The following ALG13 variants were observed in gnomAD, a reference collection of about 807,000 sequenced individuals.
ALG13 encodes UDP-N-acetylglucosamine transferase subunit ALG13.
ALG13 carries 11 observed loss-of-function variants against 87.8 expected under a neutral mutation model. The observed-to-expected ratio is 0.13, with a 90% CI of 0.08 to 0.21. ALG13 has a LOEUF of 0.21. ALG13 is among the 10% of genes least tolerant of loss of function. The pLI, the probability that ALG13 is intolerant of heterozygous loss-of-function variation, is 1.00. For synonymous variants in ALG13, 320 were observed against 306.3 expected (o/e 1.04, Z -0.47); for missense variants, 756 against 866.1 (o/e 0.87, Z 1.60).
At position 111,726,992 on chromosome X, in the gene ALG13, C is replaced by G. The variant is rs747722414; in HGVS notation, c.1913C>G (p.Ser638Cys). 8.3e-7 allele frequency: 1 copy of G among 1,210,749 alleles called. No individual in the cohort carries two copies. The highest frequency in any genetic ancestry group is 2.2e-5 in the Admixed American group (1 of 46,028). ...HYSQTAGNVM[S>C]NEHFHPQHPS... ...TCACAGACAGCTGGCAATGTTATGT[C>G]TAATGAACATTTTCATCCTCAGCAT... The change falls in exon 16 of 27, where the codon TCT (serine) becomes TGT (cysteine). Residue 638 changes from serine to cysteine, a missense_variant. Ser to Cys is a moderately radical substitution (Grantham distance 112). Coordinates refer to ENST00000394780, the MANE Select transcript of ALG13 (RefSeq NM_001099922.3).
chrX:111,694,220 T>C (rs1936638541), intron 3 of ALG13, among the ~76,000 whole-genome samples: 1 of 109,526 alleles, frequency 9.1e-6, no homozygotes, highest in Non-Finnish European at 1.9e-5. Flanking sequence ...ATTTTTTTTG[T>C]ATTTTTGGTA....
intron 3 of ALG13, among the ~76,000 whole-genome samples, chrX:111,690,815 T>A (rs1449233331): frequency 9.0e-6 from 1 of 111,131 alleles, no homozygotes; most frequent in African/African-American, 3.3e-5. Flanking sequence ...AAAAGGTTGT[T>A]TGCCACTTTA....
At chrX:111,717,735 G>T in intron 8 of ALG13, 111 bp from the exon 9 acceptor site, 1 of 477,615 alleles carries the variant, frequency 2.1e-6, no homozygotes, top group Non-Finnish European at 3.4e-6. Flanking sequence ...AAAAAATTCA[G>T]TTAGTTATCA....
At chrX:111,721,814 A>G in intron 12 of ALG13, 103 bp downstream of exon 12, 1 of 478,384 alleles carries the variant, frequency 2.1e-6, no homozygotes. Flanking sequence ...GTTATAAAAA[A>G]TAGCCTGATG....
At chrX:111,718,648 CT>C in intron 10 of ALG13, among the ~76,000 whole-genome samples, 1 of 111,994 alleles carries the variant, frequency 8.9e-6, no homozygotes, top group African/African-American at 3.2e-5. Context: ...ACAAGTGTGC[CT>C]AAGCATTCTG....
chrX:111,743,993 T>C (rs1001532242), intron 23 of ALG13: 15 of 112,062 alleles, frequency 1.3e-4, no homozygotes, highest in Non-Finnish European at 1.9e-4. Context: ...CATTGTTTCC[T>C]TTATTGTCAT....
At chrX:111,739,928 G>A (rs942038495) in intron 23 of ALG13, among the ~76,000 whole-genome samples, 4 of 112,068 alleles carry the variant, frequency 3.6e-5, no homozygotes, top group African/African-American at 1.3e-4. Flanking sequence ...GGACAACAGT[G>A]TACTAGAGAA....
At chrX:111,687,409 A>G (rs1047025285) in intron 3 of ALG13, among the ~76,000 whole-genome samples, 2 of 112,522 alleles carry the variant, frequency 1.8e-5, no homozygotes, top group African/African-American at 6.5e-5. Flanking sequence ...GGTGTGGTAT[A>G]TTGTTTAATT....
At position 111,733,951 on chromosome X, in the gene ALG13, T is replaced by A. The variant is rs564797628; in HGVS notation, c.2458-1100T>A. 6.8e-4 allele frequency among the ~76,000 whole-genome samples: 76 copies of A among 112,482 alleles called. 3 individuals carry two copies. In the South Asian group the frequency reaches 0.027, roughly 40 times the overall value. Reference sequence around the variant, plus strand: ...TATGTTTGTTGACCATTTGTATATCTTCTTTTGAGAATTGTCTATTCATGT... The same window carrying A: ...TATGTTTGTTGACCATTTGTATATCATCTTTTGAGAATTGTCTATTCATGT... On this transcript the variant is annotated intron_variant, in intron 21 of 26. Transcript: ENST00000394780.
chrX:111,681,377 T>C, intron 1 of ALG13, 78 bp downstream of exon 1: 2 of 1,191,581 alleles, frequency 1.7e-6, no homozygotes, highest in Non-Finnish European at 2.3e-6. Flanking sequence ...CGCGTTAGCC[T>C]TGCCTGACCG....
Position 111,759,936 on chromosome X carries a change from T to C in ALG13, c.3351T>C (p.Pro1117=), listed in dbSNP as rs1451088032. 8.3e-7 allele frequency: 1 copy of C among 1,211,098 alleles called. No homozygotes were observed. The highest frequency in any genetic ancestry group is 1.8e-5 in the South Asian group (1 of 56,899). ...GSSQIHGAIN[P]GPIGCIAPSP... Reference sequence around the variant, plus strand: ...CTCAAATTCATGGTGCTATAAATCCTGGGCCAATTGGCTGTATTGCTCCAT... The same window carrying C: ...CTCAAATTCATGGTGCTATAAATCCCGGGCCAATTGGCTGTATTGCTCCAT... The change falls in exon 27 of 27, where the codon CCT becomes CCC. Residue 1117 remains proline, a synonymous_variant. Transcript: ENST00000394780.
At chrX:111,703,840 A>G (rs1425442867) in intron 3 of ALG13, among the ~76,000 whole-genome samples, 2 of 112,232 alleles carry the variant, frequency 1.8e-5, no homozygotes, top group African/African-American at 6.5e-5. Flanking sequence ...ACATTCACAT[A>G]GAGGTTTTGG....
At chrX:111,731,754 T>C (rs997818290) in intron 21 of ALG13, among the ~76,000 whole-genome samples, 2 of 112,387 alleles carry the variant, frequency 1.8e-5, no homozygotes, top group African/African-American at 6.5e-5. Flanking sequence ...TTTCTATAGA[T>C]ATACTACTAA....
intron 8 of ALG13, among the ~76,000 whole-genome samples, chrX:111,714,032 G>T (rs142403912): frequency 0.022 from 2,515 of 111,804 alleles, 67 homozygotes; most frequent in African/African-American, 0.078. Context: ...CAATTCTAAT[G>T]ATGGCATGAC....
intron 12 of ALG13, among the ~76,000 whole-genome samples, chrX:111,721,950 A>G (rs768239602): frequency 9.0e-6 from 1 of 111,389 alleles, no homozygotes; most frequent in South Asian, 3.8e-4. Context: ...TGTGGAGACA[A>G]TTTTTAGATA....
chrX:111,708,847 CAATTTCCT>C (rs1939232098), intron 4 of ALG13, 110 bp from the exon 5 acceptor site: 1 of 434,307 alleles, frequency 2.3e-6, no homozygotes. Flanking sequence ...TTTAATTTCC[CAATTTCCT>C]ACATATGTTC....
chrX:111,750,673 T>A (rs1399144520), intron 24 of ALG13, among the ~76,000 whole-genome samples: 1 of 109,944 alleles, frequency 9.1e-6, no homozygotes, highest in Non-Finnish European at 1.9e-5. Context: ...ATTTATTTAT[T>A]TATTTATTTA....
At chrX:111,709,700 A>T (rs1362018337) in intron 5 of ALG13, among the ~76,000 whole-genome samples, 1 of 103,129 alleles carries the variant, frequency 9.7e-6, no homozygotes, top group Non-Finnish European at 1.9e-5. Context: ...TTTTTTTTTT[A>T]AACACTTCTG....
In ALG13 at chrX:111,681,357, T is replaced by C. The variant is rs1933091489; in HGVS notation, c.81+58T>C. ...GCTCGCCACCCGCCATCTCCGGCCA[T>C]ACTGCCAGCCGCGTTAGCCTTGCCT... On this transcript the variant is annotated intron_variant, in intron 1 of 26. Transcript: ENST00000394780. 9 of 1,206,212 alleles carry C rather than the reference T, an allele frequency of 7.5e-6. No homozygotes were observed. In the Admixed American group the frequency reaches 1.5e-4, roughly 21 times the overall value.
Sources: allele counts gnomAD v4.1 joint callset (sites outside exome capture counted in the v4.1 genomes callset), GRCh38; gene constraint gnomAD v4.1.1; transcripts MANE v1.5; gene names NCBI Gene and HGNC (gene_info 2026-07-23, HGNC 2026-07-21).